Variants in RGS6 observed in about 807,000 individuals in gnomAD.
RGS6 encodes regulator of G-protein signaling 6.
RGS6 carries 30 observed loss-of-function variants against 78.5 expected under a neutral mutation model. The observed-to-expected ratio is 0.38, with a 90% CI of 0.29 to 0.52. RGS6 has a LOEUF of 0.52. RGS6 is among the 20% of genes least tolerant of loss of function. RGS6 has a pLI of 0.85. For synonymous variants in RGS6, 206 were observed against 206.0 expected (o/e 1.00, Z 0.00); for missense variants, 495 against 609.7 (o/e 0.81, Z 1.98).
chr14:72,350,251 G>A (rs1183625385), intron 2 of RGS6, among the ~76,000 whole-genome samples: 1 of 152,194 alleles, frequency 6.6e-6, no homozygotes, highest in Non-Finnish European at 1.5e-5. Flanking sequence ...AGAGTCCAGT[G>A]AGAATGGTTT....
At chr14:72,069,638 C>T (rs921557728) in intron 2 of RGS6, among the ~76,000 whole-genome samples, 2 of 152,122 alleles carry the variant, frequency 1.3e-5, no homozygotes, top group Non-Finnish European at 2.9e-5. Context: ...TCCCTGGGCT[C>T]AGATGATCCT....
the RGS6 span, among the ~76,000 whole-genome samples, chr14:71,882,718 T>C: frequency 6.6e-6 from 1 of 152,390 alleles, no homozygotes; most frequent in African/African-American, 2.4e-5. Context: ...TCCAAGGTTA[T>C]AATTAATTCC....
chr14:71,984,789 A>G (rs2094620139), intron 2 of RGS6, among the ~76,000 whole-genome samples: 1 of 152,216 alleles, frequency 6.6e-6, no homozygotes, highest in African/African-American at 2.4e-5. Context: ...TGTGTCTCAC[A>G]TGGTAAGGTA....
At chr14:72,154,593 A>T (rs1178985007) in intron 2 of RGS6, among the ~76,000 whole-genome samples, 1 of 152,188 alleles carries the variant, frequency 6.6e-6, no homozygotes, top group African/African-American at 2.4e-5. Context: ...ATCTCCCTGC[A>T]TGGTGCTAAC....
chr14:72,202,903 C>T (rs139752377), intron 2 of RGS6, among the ~76,000 whole-genome samples: 1,962 of 152,006 alleles, frequency 0.013, 49 homozygotes, highest in African/African-American at 0.044. Context: ...GGCGGAGTCT[C>T]GCTCTGTCGC....
chr14:72,078,303 A>G (rs948316016), intron 2 of RGS6, among the ~76,000 whole-genome samples: 12 of 152,308 alleles, frequency 7.9e-5, no homozygotes, highest in African/African-American at 2.4e-4. Flanking sequence ...AGGCCTCTCC[A>G]GAAGCAGAAG....
At chr14:72,050,186 G>T (rs746345592) in intron 2 of RGS6, among the ~76,000 whole-genome samples, 22 of 152,104 alleles carry the variant, frequency 1.4e-4, no homozygotes, top group Non-Finnish European at 2.8e-4. Context: ...TAAGAAAAAA[G>T]AAAAAAGAAT....
intron 2 of RGS6, among the ~76,000 whole-genome samples, chr14:72,162,876 G>C (rs1211658936): frequency 1.3e-5 from 2 of 152,004 alleles, no homozygotes; most frequent in Non-Finnish European, 2.9e-5. Flanking sequence ...GCCATAAAAA[G>C]GAATGAATAA....
chr14:72,115,640 T>G (rs2095869347), intron 2 of RGS6, among the ~76,000 whole-genome samples: 1 of 152,002 alleles, frequency 6.6e-6, no homozygotes, highest in African/African-American at 2.4e-5. Context: ...CACAAAAGCC[T>G]CAACAGCCCC....
intron 2 of RGS6, among the ~76,000 whole-genome samples, chr14:72,012,926 G>A (rs954120734): frequency 6.6e-6 from 1 of 152,096 alleles, no homozygotes; most frequent in Non-Finnish European, 1.5e-5. Context: ...TTGTTTATAA[G>A]GTATTTCTCT....
the RGS6 span, among the ~76,000 whole-genome samples, chr14:72,624,922 G>A: frequency 2.0e-5 from 3 of 152,168 alleles, no homozygotes; most frequent in East Asian, 5.8e-4. Flanking sequence ...GGAAATTGAG[G>A]CCAGTACGTC....
At chr14:72,265,653 G>A (rs1356614395) in intron 2 of RGS6, among the ~76,000 whole-genome samples, 2 of 152,088 alleles carry the variant, frequency 1.3e-5, no homozygotes, top group African/African-American at 4.8e-5. Flanking sequence ...TATTCACGGA[G>A]AGCCAAAGTG....
Position 72,023,214 on chromosome 14 carries a change from T to C in RGS6, c.84+58339T>C, listed in dbSNP as rs1429722293. Among the ~76,000 whole-genome samples the C allele has an allele frequency of 1.3e-5, 2 of 152,364 alleles. 1 individual carries two copies. The highest frequency in any genetic ancestry group is 4.8e-5 in the African/African-American group (2 of 41,594). ...TTTTCTAAGCAATGGTCTTGGGAGA[T>C]GTACATATTTCACTAGGGCTTCCTG... On this transcript the variant is annotated intron_variant, in intron 2 of 17. Transcript: ENST00000553525.
intron 14 of RGS6, chr14:72,511,626 G>C (rs1386238483): frequency 6.6e-6 from 1 of 152,252 alleles, no homozygotes; most frequent in African/African-American, 2.4e-5. Flanking sequence ...GCTGGACTTT[G>C]AAGAATACAC....
intron 9 of RGS6, among the ~76,000 whole-genome samples, chr14:72,473,238 T>TCAAGACCATCCTGG (rs2096136370): frequency 6.6e-6 from 1 of 152,184 alleles, no homozygotes; most frequent in African/African-American, 2.4e-5. Context: ...GGTCAGTCGA[T>TCAAGACCATCCTGG]CAAGACCATC....
chr14:72,316,713 T>G (rs1196657527), intron 2 of RGS6, among the ~76,000 whole-genome samples: 1 of 152,346 alleles, frequency 6.6e-6, no homozygotes, highest in East Asian at 1.9e-4. Flanking sequence ...TGCCTGCCAT[T>G]GCATTCCTTA....
the RGS6 span, chr14:72,612,712 G>C: frequency 2.9e-5 from 13 of 456,062 alleles, no homozygotes; most frequent in South Asian, 1.7e-4. Flanking sequence ...GCATCCCTTT[G>C]ATAGCAGAAT....
chr14:72,221,981 AAT>A (rs1332488112), intron 2 of RGS6, among the ~76,000 whole-genome samples: 1 of 152,220 alleles, frequency 6.6e-6, no homozygotes, highest in Non-Finnish European at 1.5e-5. Context: ...CCCTATTGTG[AAT>A]ATGTCATTAA....
At chr14:72,391,995 T>C (rs956056775) in intron 3 of RGS6, among the ~76,000 whole-genome samples, 1 of 152,158 alleles carries the variant, frequency 6.6e-6, no homozygotes, top group Admixed American at 6.5e-5. Flanking sequence ...ATCCAGTCTA[T>C]TATTGACGTT....
Sources: allele counts gnomAD v4.1 joint callset (sites outside exome capture counted in the v4.1 genomes callset), GRCh38; gene constraint gnomAD v4.1.1; transcripts MANE v1.5; gene names NCBI Gene and HGNC (gene_info 2026-07-23, HGNC 2026-07-21).